The following SPAG17 variants were observed in gnomAD, a reference collection of about 807,000 sequenced individuals.
SPAG17 encodes sperm associated antigen 17.
Under a neutral mutation model 273.6 loss-of-function variants are expected in SPAG17, and 169 were observed. The observed-to-expected ratio is 0.62, with a 90% CI of 0.55 to 0.70. SPAG17 has a LOEUF of 0.70. Ranked by LOEUF, SPAG17 falls within the 30% of genes least tolerant of loss-of-function variation. The pLI, the probability that SPAG17 is intolerant of heterozygous loss-of-function variation, is 0.00. For missense variants in SPAG17, 2,557 were observed against 2,627.8 expected, an observed-to-expected ratio of 0.97 and a Z score of 0.59; for synonymous variants, 825 against 873.2, an observed-to-expected ratio of 0.94 and a Z score of 0.97.
intron 1 of SPAG17, 130 bp downstream of exon 1, chr1:118,184,940 TG>T: frequency 1.3e-6 from 1 of 759,356 alleles, no homozygotes; most frequent in Non-Finnish European, 2.2e-6. Context: ...CCTGGGACCC[TG>T]GGTCCTGGAA....
chr1:118,027,684 C>T (rs2101863327), intron 26 of SPAG17, among the ~76,000 whole-genome samples: 1 of 152,258 alleles, frequency 6.6e-6, no homozygotes, highest in African/African-American at 2.4e-5. Context: ...GATGCCTCAT[C>T]AGGTTAATTA....
intron 15 of SPAG17, among the ~76,000 whole-genome samples, chr1:118,076,171 G>C (rs1335507994): frequency 2.0e-5 from 3 of 152,028 alleles, no homozygotes; most frequent in Non-Finnish European, 2.9e-5. Flanking sequence ...AATTAGAAAT[G>C]TGGGAAAAAA....
intron 17 of SPAG17, among the ~76,000 whole-genome samples, chr1:118,071,799 A>G (rs1451703066): frequency 6.6e-6 from 1 of 152,188 alleles, no homozygotes; most frequent in Admixed American, 6.5e-5. Flanking sequence ...GATGGAAACT[A>G]AAAGAAAAAA....
intron 3 of SPAG17, among the ~76,000 whole-genome samples, chr1:118,128,713 A>C (rs1291782944): frequency 6.6e-6 from 1 of 152,182 alleles, no homozygotes; most frequent in Non-Finnish European, 1.5e-5. Context: ...ACACTGGAGC[A>C]CTAGATGTGT....
chr1:118,048,999 G>A (rs1650690520), intron 20 of SPAG17, among the ~76,000 whole-genome samples: 1 of 152,122 alleles, frequency 6.6e-6, no homozygotes, highest in Non-Finnish European at 1.5e-5. Context: ...TAAATTCCTA[G>A]AAGCATACAA....
At chr1:118,123,017 G>A (rs948038464) in intron 3 of SPAG17, among the ~76,000 whole-genome samples, 6 of 152,174 alleles carry the variant, frequency 3.9e-5, no homozygotes, top group Non-Finnish European at 7.3e-5. Flanking sequence ...TTAGAGAGAA[G>A]CAGAGATAAA....
At chr1:118,041,575 G>T (rs950699216) in intron 21 of SPAG17, among the ~76,000 whole-genome samples, 1 of 151,982 alleles carries the variant, frequency 6.6e-6, no homozygotes, top group Non-Finnish European at 1.5e-5. Flanking sequence ...AGCTAGGTTC[G>T]TGGCACTCAA....
chr1:118,109,468 T>A (rs1052965683), intron 4 of SPAG17, among the ~76,000 whole-genome samples: 1 of 148,438 alleles, frequency 6.7e-6, no homozygotes, highest in Non-Finnish European at 1.5e-5. Context: ...GGCAGGAGAA[T>A]CACTTGAACC....
At chr1:118,059,489 T>A (rs1168161198) in intron 18 of SPAG17, among the ~76,000 whole-genome samples, 1 of 152,162 alleles carries the variant, frequency 6.6e-6, no homozygotes, top group Non-Finnish European at 1.5e-5. Flanking sequence ...TGCATACTTA[T>A]CATTTTTTGT....
intron 18 of SPAG17, among the ~76,000 whole-genome samples, chr1:118,063,047 AAGG>A (rs1301852577): frequency 6.6e-6 from 1 of 152,256 alleles, no homozygotes; most frequent in Non-Finnish European, 1.5e-5. Context: ...GGACCTCTTC[AAGG>A]AGAACTACAA....
intron 31 of SPAG17, among the ~76,000 whole-genome samples, chr1:118,006,489 C>T (rs1485037015): frequency 6.6e-6 from 1 of 152,154 alleles, no homozygotes; most frequent in Non-Finnish European, 1.5e-5. Context: ...TCTTTATTCA[C>T]TTATGAGTTG....
At position 118,040,794 on chromosome 1, in the gene SPAG17, T is replaced by C. The variant is rs762669568; in HGVS notation, c.3102A>G (p.Ser1034=). 4 of 1,604,652 alleles carry C rather than the reference T, an allele frequency of 2.5e-6. No homozygotes were observed. The highest frequency in any genetic ancestry group is 3.4e-6 in the Non-Finnish European group (4 of 1,171,242). Residue 1034 remains serine, a synonymous_variant, in exon 22 of 49, where the codon TCA becomes TCG. Coordinates refer to ENST00000336338, the MANE Select transcript of SPAG17 (RefSeq NM_206996.4). Reference sequence around the variant, plus strand: ...CATCAGAAGGATACAGGTAGTAATTTGACCCTGAGATTTGAGTGGGTATAT... The same window carrying C: ...CATCAGAAGGATACAGGTAGTAATTCGACCCTGAGATTTGAGTGGGTATAT... The part of the protein sequence containing the change: ...MGNIPTQISG[S]NYYLYPSDGG...
At chr1:118,139,697 G>A (rs944965221) in intron 3 of SPAG17, among the ~76,000 whole-genome samples, 10 of 151,880 alleles carry the variant, frequency 6.6e-5, no homozygotes, top group Non-Finnish European at 1.3e-4. Context: ...AAATGAGTTG[G>A]GCATATAAAG....
At position 117,977,648 on chromosome 1, in the gene SPAG17, A is replaced by G. The variant is rs141232247; in HGVS notation, c.6004+3622T>C. 1.9e-3 allele frequency among the ~76,000 whole-genome samples: 285 copies of G among 152,270 alleles called. 1 individual carries two copies. Among genetic ancestry groups the G allele is most frequent in the Admixed American group, 5.9e-3 (90 of 15,290 alleles). On this transcript the variant is annotated intron_variant, in intron 43 of 48. Coordinates refer to ENST00000336338, the MANE Select transcript of SPAG17 (RefSeq NM_206996.4). ...GAATTTCTTTAAACTTTTTATATCA[A>G]AATTTAATTTTCCATTTACAGTGGA...
chr1:118,048,806 G>A (rs1650662796), intron 20 of SPAG17, among the ~76,000 whole-genome samples: 1 of 152,116 alleles, frequency 6.6e-6, no homozygotes, highest in African/African-American at 2.4e-5. Flanking sequence ...TGAGGCACAA[G>A]AATTGCTTAA....
intron 48 of SPAG17, chr1:117,960,945 T>C (rs1029609999): frequency 6.6e-6 from 1 of 152,238 alleles, no homozygotes; most frequent in Admixed American, 6.5e-5. Context: ...ATCTGAAACT[T>C]TTCTCATTGT....
At chr1:118,059,607 T>A (rs974546833) in intron 18 of SPAG17, among the ~76,000 whole-genome samples, 1 of 152,122 alleles carries the variant, frequency 6.6e-6, no homozygotes, top group African/African-American at 2.4e-5. Flanking sequence ...TGCTGTTCAA[T>A]GTTGTGTACA....
chr1:118,137,618 T>C (rs1239203237), intron 3 of SPAG17, among the ~76,000 whole-genome samples: 2 of 152,262 alleles, frequency 1.3e-5, no homozygotes, highest in African/African-American at 4.8e-5. Context: ...AAATCCGTAA[T>C]TATTTTTAAA....
intron 41 of SPAG17, 42 bp downstream of exon 41, chr1:117,984,641 A>T (rs1656203064): frequency 7.7e-7 from 1 of 1,301,602 alleles, no homozygotes; most frequent in Non-Finnish European, 1.1e-6. Context: ...TACCAAATTT[A>T]TAAAAACTTT....
Sources: gnomAD v4.1 joint callset for allele counts (sites outside exome capture counted in the v4.1 genomes callset) on GRCh38, gnomAD v4.1.1 for gene constraint, MANE v1.5 for transcripts, NCBI Gene and HGNC (gene_info 2026-07-23, HGNC 2026-07-21) for gene names.